The following OR4N2 variants were observed in gnomAD, a reference collection of about 807,000 sequenced individuals.
OR4N2 encodes olfactory receptor family 4 subfamily N member 2, also known as olfactory receptor 4N2.
For synonymous variants in OR4N2, 141 were observed against 140.4 expected (o/e 1.00, Z -0.03); for missense variants, 307 against 377.6 (o/e 0.81, Z 1.55).
At position 19,823,460 on chromosome 14, in the gene OR4N2, C is replaced by A. The variant is rs537215477; in HGVS notation, c.-9-3980C>A. ...GAATTATATATTTTCATTTTGTAGACTTAATATTTAAAATGGAAGATGGTG... is the reference window on the plus strand; with the variant it reads ...GAATTATATATTTTCATTTTGTAGAATTAATATTTAAAATGGAAGATGGTG... On this transcript the variant is annotated intron_variant, in intron 1 of 1. Transcript: ENST00000557677. Among the ~76,000 whole-genome samples, 29 of 152,294 alleles carry A rather than the reference C, an allele frequency of 1.9e-4. No individual in the cohort carries two copies. The Middle Eastern group carries it at 0.01, about 54-fold the overall frequency.
chr14:19,805,953 G>A (rs1231627995), intron 1 of OR4N2, among the ~76,000 whole-genome samples: 1 of 152,112 alleles, frequency 6.6e-6, no homozygotes, highest in South Asian at 2.1e-4. Flanking sequence ...TTCCAACCAA[G>A]AATTTCATAT....
At chr14:19,813,009 G>A (rs1037737074) in intron 1 of OR4N2, among the ~76,000 whole-genome samples, 7 of 152,316 alleles carry the variant, frequency 4.6e-5, no homozygotes, top group Non-Finnish European at 8.8e-5. Flanking sequence ...TATCCAAGGT[G>A]ATAAAACTTT....
chr14:19,808,815 G>A (rs1686569), intron 1 of OR4N2, among the ~76,000 whole-genome samples: 12,400 of 128,014 alleles, frequency 0.097, 109 homozygotes, highest in East Asian at 0.21. Flanking sequence ...CTGTAACCCA[G>A]AAATATTGAA....
In OR4N2 at chr14:19,829,969, T is replaced by A. The variant is rs1408105545; in HGVS notation, c.*1597T>A. 7.2e-5 allele frequency: 11 copies of A among 152,318 alleles called. No individual in the cohort carries two copies. The highest frequency in any genetic ancestry group is 1.3e-4 in the Admixed American group (2 of 15,282). The allele number at this position is 152,318 out of a possible 1,614,324, so 9.4% of individuals were successfully genotyped here. A position where few individuals can be genotyped will look rare whatever the true frequency, so the allele number is the denominator to read the frequency against. On this transcript the variant is annotated 3_prime_UTR_variant, in exon 2 of 2. Coordinates refer to ENST00000557677, the MANE Select transcript of OR4N2 (RefSeq NM_001004723.3). Reference sequence around the variant, plus strand: ...TGAGAATTCCTTAATCTCCCATCACTACCACTATACAACCTGCATCTGTGA... The same window carrying A: ...TGAGAATTCCTTAATCTCCCATCACAACCACTATACAACCTGCATCTGTGA...
chr14:19,820,629 A>G (rs1421203831), intron 1 of OR4N2, among the ~76,000 whole-genome samples: 3 of 152,364 alleles, frequency 2.0e-5, no homozygotes, highest in East Asian at 3.9e-4. Context: ...TACCCTGCCC[A>G]GAGAGGAGAA....
intron 1 of OR4N2, among the ~76,000 whole-genome samples, chr14:19,818,582 A>G (rs1468299993): frequency 6.6e-6 from 1 of 152,146 alleles, no homozygotes; most frequent in Admixed American, 6.6e-5. Flanking sequence ...GTGTCTTTGC[A>G]CGTGAGATGG....
intron 1 of OR4N2, among the ~76,000 whole-genome samples, chr14:19,817,426 G>C (rs1224089060): frequency 6.6e-6 from 1 of 152,242 alleles, no homozygotes; most frequent in African/African-American, 2.4e-5. Context: ...TTGGGAGGGT[G>C]TATGTGCCCA....
chr14:19,819,208 T>C (rs1372984201), intron 1 of OR4N2, among the ~76,000 whole-genome samples: 9 of 152,234 alleles, frequency 5.9e-5, no homozygotes, highest in Non-Finnish European at 1.2e-4. Context: ...GTTCTCTGTA[T>C]TTCCTGAATT....
intron 1 of OR4N2, among the ~76,000 whole-genome samples, chr14:19,819,876 C>G (rs1566466340): frequency 6.6e-6 from 1 of 152,226 alleles, no homozygotes; most frequent in African/African-American, 2.4e-5. Context: ...TTTGGGTGGA[C>G]ATCCTTTTTG....
At chr14:19,805,761 G>T (rs1203087784) in intron 1 of OR4N2, among the ~76,000 whole-genome samples, 1 of 152,146 alleles carries the variant, frequency 6.6e-6, no homozygotes, top group Non-Finnish European at 1.5e-5. Context: ...TATCGTACGA[G>T]ATGTACAAGG....
chr14:19,810,070 CA>C (rs1293651072), intron 1 of OR4N2, among the ~76,000 whole-genome samples: 7 of 152,332 alleles, frequency 4.6e-5, no homozygotes, highest in African/African-American at 1.7e-4. Flanking sequence ...AGACAAGCTA[CA>C]AAATGGGATA....
At chr14:19,808,201 C>T (rs1879212032) in intron 1 of OR4N2, among the ~76,000 whole-genome samples, 1 of 152,170 alleles carries the variant, frequency 6.6e-6, no homozygotes, top group Non-Finnish European at 1.5e-5. Context: ...TCTTACCACT[C>T]TTCTTCAATA....
rs1279181090 is a variant in OR4N2, at chr14:19,830,024, G to C, written c.*1652G>C. On this transcript the variant is annotated 3_prime_UTR_variant, in exon 2 of 2. Coordinates refer to ENST00000557677, the MANE Select transcript of OR4N2 (RefSeq NM_001004723.3). ...GTTTCCTTTAACTTCTCCTGAGACTGAGTGACCTGATCCTGCTCCTACAGA... is the reference window on the plus strand; with the variant it reads ...GTTTCCTTTAACTTCTCCTGAGACTCAGTGACCTGATCCTGCTCCTACAGA... The C allele has an allele frequency of 6.6e-6, 1 of 152,456 alleles. No homozygotes were observed. Among genetic ancestry groups the C allele is most frequent in the Admixed American group, 6.5e-5 (1 of 15,292 alleles). The allele number at this position is 152,456 out of a possible 1,614,324, so 9.4% of individuals were successfully genotyped here. A position where few individuals can be genotyped will look rare whatever the true frequency, so the allele number is the denominator to read the frequency against.
At chr14:19,817,133 G>A (rs1255213583) in intron 1 of OR4N2, among the ~76,000 whole-genome samples, 1 of 152,156 alleles carries the variant, frequency 6.6e-6, no homozygotes, top group Non-Finnish European at 1.5e-5. Context: ...GTTCATCAGG[G>A]ATATTGATCT....
At chr14:19,805,765 T>G (rs1879149041) in intron 1 of OR4N2, among the ~76,000 whole-genome samples, 2 of 152,136 alleles carry the variant, frequency 1.3e-5, no homozygotes, top group Non-Finnish European at 2.9e-5. Context: ...GTACGAGATG[T>G]ACAAGGCACA....
chr14:19,804,639 T>C (rs1261714061), intron 1 of OR4N2, among the ~76,000 whole-genome samples: 3 of 152,268 alleles, frequency 2.0e-5, no homozygotes, highest in Non-Finnish European at 4.4e-5. Flanking sequence ...TTTTAGAGTA[T>C]GTGCCATATG....
intron 1 of OR4N2, among the ~76,000 whole-genome samples, chr14:19,813,788 G>A (rs1305454827): frequency 3.3e-5 from 5 of 151,594 alleles, no homozygotes; most frequent in Non-Finnish European, 1.5e-5. Flanking sequence ...AAGGAATTTC[G>A]CCTCTGGATG....
rs762978823 is a variant in OR4N2, at chr14:19,828,167, G to C, written c.719G>C (p.Cys240Ser). 2 of 1,614,244 alleles carry C rather than the reference G, an allele frequency of 1.2e-6. No homozygotes were observed. Among genetic ancestry groups the C allele is most frequent in the Admixed American group, 3.3e-5 (2 of 60,026 alleles). ...GCAAAAAACAAGGCCATGTCCACGT[G>C]CATCACCCATATCATTGTTATATTC... ...SEAKNKAMSTCITHIIVIFFM... is the reference protein window; with the variant it reads ...SEAKNKAMSTSITHIIVIFFM... The change falls in exon 2 of 2, where the codon TGC becomes TCC. Residue 240 changes from cysteine (C) to serine (S), a missense_variant. Coordinates refer to ENST00000557677, the MANE Select transcript of OR4N2 (RefSeq NM_001004723.3).
intron 1 of OR4N2, among the ~76,000 whole-genome samples, chr14:19,804,079 C>G (rs1879093088): frequency 1.3e-5 from 2 of 152,254 alleles, no homozygotes; most frequent in East Asian, 1.9e-4. Context: ...TTATTTTTCT[C>G]TCTTCTCTTT....
Sources: allele counts gnomAD v4.1 joint callset (sites outside exome capture counted in the v4.1 genomes callset), GRCh38; gene constraint gnomAD v4.1.1; transcripts MANE v1.5; gene names NCBI Gene and HGNC (gene_info 2026-07-23, HGNC 2026-07-21).